SMARCC1: variants seen among roughly 807,000 people sequenced by gnomAD.
The protein encoded by SMARCC1 is SWI/SNF complex subunit SMARCC1.
A neutral mutation model predicts 147.4 loss-of-function variants in SMARCC1; 43 were observed. The ratio of observed to expected loss-of-function variants is 0.29; its 90% confidence interval spans 0.23 to 0.38. SMARCC1 has a LOEUF of 0.38. Among genes scored for constraint, SMARCC1 ranks in the 10% least tolerant of loss-of-function variants. The pLI is 1.00. For missense variants in SMARCC1, 1,119 were observed against 1,381.1 expected, an observed-to-expected ratio of 0.81 and a Z score of 3.01; for synonymous variants, 495 against 484.4, an observed-to-expected ratio of 1.02 and a Z score of -0.29.
intron 19 of SMARCC1, among the ~76,000 whole-genome samples, chr3:47,664,723 G>A (rs2033400298): frequency 1.3e-5 from 2 of 152,152 alleles, no homozygotes; most frequent in Admixed American, 1.3e-4. Flanking sequence ...CCCCCTTGAG[G>A]ACACTGGCAA....
chr3:47,697,657 G>A (rs2033869620), intron 11 of SMARCC1, among the ~76,000 whole-genome samples: 1 of 151,398 alleles, frequency 6.6e-6, no homozygotes, highest in African/African-American at 2.4e-5. Context: ...ATTTTATGAG[G>A]CCAGCATAAC....
intron 18 of SMARCC1, among the ~76,000 whole-genome samples, chr3:47,672,311 T>G (rs763263374): frequency 6.6e-5 from 10 of 151,728 alleles, no homozygotes; most frequent in Non-Finnish European, 1.0e-4. Context: ...GCCTCCCGGG[T>G]TCACACCATT....
intron 11 of SMARCC1, among the ~76,000 whole-genome samples, chr3:47,700,911 A>T (rs1275909756): frequency 6.6e-6 from 1 of 152,220 alleles, no homozygotes; most frequent in Admixed American, 6.6e-5. Flanking sequence ...GAAGAAATTC[A>T]TTACCAGAGA....
At chr3:47,613,759 G>A (rs1458592551) in intron 25 of SMARCC1, among the ~76,000 whole-genome samples, 2 of 152,040 alleles carry the variant, frequency 1.3e-5, no homozygotes, top group East Asian at 3.9e-4. Flanking sequence ...GCTGCCTATG[G>A]CCCTGCTCTG....
chr3:47,680,838 C>T (rs1481914074), intron 14 of SMARCC1, among the ~76,000 whole-genome samples: 2 of 151,906 alleles, frequency 1.3e-5, no homozygotes, highest in Non-Finnish European at 2.9e-5. Flanking sequence ...TGAGCCACCG[C>T]GCCCGGCCGG....
chr3:47,770,100 C>T (rs2034889368), intron 2 of SMARCC1, among the ~76,000 whole-genome samples: 2 of 151,664 alleles, frequency 1.3e-5, no homozygotes, highest in Admixed American at 6.6e-5. Context: ...TGGTGGTGGG[C>T]GCCTGTAGTC....
At chr3:47,599,161 C>T (rs954148715) in intron 26 of SMARCC1, among the ~76,000 whole-genome samples, 3 of 152,128 alleles carry the variant, frequency 2.0e-5, no homozygotes, top group Non-Finnish European at 4.4e-5. Context: ...CTGAGGAGGG[C>T]GGATCACCTG....
intron 2 of SMARCC1, among the ~76,000 whole-genome samples, chr3:47,769,555 A>G (rs1240242539): frequency 6.6e-6 from 1 of 151,820 alleles, no homozygotes; most frequent in African/African-American, 2.4e-5. Flanking sequence ...TGTTGCCACC[A>G]CTACCTGAAA....
chr3:47,623,828 T>C (rs2032769113), intron 24 of SMARCC1, among the ~76,000 whole-genome samples: 1 of 152,234 alleles, frequency 6.6e-6, no homozygotes. Context: ...TCTGGTCTAT[T>C]TTTATGAGAA....
At chr3:47,689,301 G>T (rs2033764568) in intron 13 of SMARCC1, 86 bp downstream of exon 13, 2 of 1,103,484 alleles carry the variant, frequency 1.8e-6, no homozygotes, top group Non-Finnish European at 2.7e-6. Flanking sequence ...CCAAAAATTG[G>T]GTTATGTCCA....
rs373375642 is a variant in SMARCC1, at chr3:47,730,036, G to T, written c.577-942C>A. ...TCTACTAAAAATATAAAAATTAGCT[G>T]GGCGTGGTGGCACACGTCTGTAATC... On this transcript the variant is annotated intron_variant, in intron 5 of 27. Coordinates refer to ENST00000254480, the MANE Select transcript of SMARCC1 (RefSeq NM_003074.4). 3.9e-3 allele frequency among the ~76,000 whole-genome samples: 600 copies of T among 152,200 alleles called. 5 individuals carry two copies. Among genetic ancestry groups the T allele is most frequent in the African/African-American group, 0.013 (545 of 41,528 alleles).
intron 3 of SMARCC1, among the ~76,000 whole-genome samples, chr3:47,739,477 A>G (rs2034482771): frequency 6.6e-6 from 1 of 152,140 alleles, no homozygotes; most frequent in South Asian, 2.1e-4. Flanking sequence ...GGCACCAGCC[A>G]TCACACTCAG....
At chr3:47,687,008 C>G (rs1381903415) in intron 13 of SMARCC1, among the ~76,000 whole-genome samples, 1 of 152,100 alleles carries the variant, frequency 6.6e-6, no homozygotes, top group Non-Finnish European at 1.5e-5. Context: ...AAGCAAAAAC[C>G]CAAATTTTGA....
chr3:47,681,898 A>C (rs1222581834), intron 14 of SMARCC1, among the ~76,000 whole-genome samples: 2 of 152,184 alleles, frequency 1.3e-5, no homozygotes, highest in African/African-American at 4.8e-5. Context: ...TTTTAAAAAA[A>C]ATTCTGTATC....
chr3:47,736,178 C>A, intron 4 of SMARCC1, 52 bp from the exon 5 acceptor site: 1 of 1,015,472 alleles, frequency 9.8e-7, no homozygotes, highest in Admixed American at 2.2e-5. Context: ...GAAATAATAT[C>A]ATATTATTTA....
At chr3:47,708,087 T>C (rs1032002030) in intron 9 of SMARCC1, among the ~76,000 whole-genome samples, 12 of 41,942 alleles carry the variant, frequency 2.9e-4, no homozygotes, top group African/African-American at 9.8e-4. Context: ...TTTTTTCTTT[T>C]TTTTTTTTTT....
chr3:47,657,005 A>G (rs2033271098), intron 21 of SMARCC1, among the ~76,000 whole-genome samples: 1 of 152,120 alleles, frequency 6.6e-6, no homozygotes, highest in Non-Finnish European at 1.5e-5. Flanking sequence ...AGACTTTAAG[A>G]CACAAAACGT....
At chr3:47,642,570 A>T (rs1299304934) in intron 21 of SMARCC1, among the ~76,000 whole-genome samples, 4 of 150,530 alleles carry the variant, frequency 2.7e-5, no homozygotes, top group Non-Finnish European at 5.9e-5. Context: ...AGCCTGGGCA[A>T]AAGGGCGAGA....
chr3:47,704,257 G>A (rs1370191859), intron 10 of SMARCC1, among the ~76,000 whole-genome samples: 1 of 152,106 alleles, frequency 6.6e-6, no homozygotes, highest in African/African-American at 2.4e-5. Context: ...AAAACATACA[G>A]TGCAGATGAA....
Sources: gnomAD v4.1 joint callset for allele counts (sites outside exome capture counted in the v4.1 genomes callset) on GRCh38, gnomAD v4.1.1 for gene constraint, MANE v1.5 for transcripts, NCBI Gene and HGNC (gene_info 2026-07-23, HGNC 2026-07-21) for gene names.